Variants in PTPRD observed in about 807,000 individuals in gnomAD.
PTPRD encodes protein tyrosine phosphatase receptor type D, also known as receptor-type tyrosine-protein phosphatase delta.
Under a neutral mutation model 214.5 loss-of-function variants are expected in PTPRD, and 34 were observed. The ratio of observed to expected loss-of-function variants is 0.16; its 90% CI spans 0.12 to 0.21. The LOEUF (loss-of-function observed/expected upper bound fraction) is 0.21, where lower values mean the gene tolerates loss of function less well. Ranked by LOEUF, PTPRD falls within the 10% of genes least tolerant of loss-of-function variation. The pLI, the probability that PTPRD is intolerant of heterozygous loss-of-function variation, is 1.00. For missense variants in PTPRD, 2,545 were observed against 2,398.7 expected (o/e 1.06, Z -1.27); for synonymous variants, 1,128 against 845.7 (o/e 1.33, Z -5.79).
In PTPRD at chr9:10,506,148, C is replaced by A. The variant is rs539122615; in HGVS notation, c.-600+106250G>T. Reference sequence around the variant, plus strand: ...AAGAATGTAAAGATTCTCTATGAATCCAGAAGAACAGATGGGTAAGGGGAA... The same window carrying A: ...AAGAATGTAAAGATTCTCTATGAATACAGAAGAACAGATGGGTAAGGGGAA... On this transcript the variant is annotated intron_variant, in intron 2 of 45. Transcript: ENST00000381196. Among the ~76,000 whole-genome samples, 6 of 152,112 alleles carry A rather than the reference C, an allele frequency of 3.9e-5. No homozygotes were observed. The East Asian group carries it at 1.2e-3, about 29-fold the overall frequency.
At chr9:9,596,785 T>G (rs1480251785) in intron 7 of PTPRD, among the ~76,000 whole-genome samples, 2 of 152,046 alleles carry the variant, frequency 1.3e-5, no homozygotes, top group Non-Finnish European at 2.9e-5. Flanking sequence ...AAGTTAATTC[T>G]AAACATTTGC....
chr9:10,306,021 C>T (rs1260046269), intron 3 of PTPRD, among the ~76,000 whole-genome samples: 1 of 151,892 alleles, frequency 6.6e-6, no homozygotes, highest in African/African-American at 2.4e-5. Flanking sequence ...TGGAATCAAC[C>T]CAAATGCCCA....
chr9:8,396,778 C>T (rs563367207), intron 36 of PTPRD, among the ~76,000 whole-genome samples: 2 of 152,142 alleles, frequency 1.3e-5, no homozygotes, highest in Non-Finnish European at 2.9e-5. Context: ...GCCATTTACA[C>T]AGCTCTAATT....
In PTPRD at chr9:10,350,054, T is replaced by A. The variant is rs116476383; in HGVS notation, c.-599-9037A>T. 5.7e-3 allele frequency among the ~76,000 whole-genome samples: 865 copies of A among 152,290 alleles called. 5 individuals carry two copies. Among genetic ancestry groups the A allele is most frequent in the African/African-American group, 0.019 (810 of 41,572 alleles). Reference sequence around the variant, plus strand: ...AATTACCTTGGAGGACAATATAAGTTCACAGACTAGAAAAGTCTATGTGAC... The same window carrying A: ...AATTACCTTGGAGGACAATATAAGTACACAGACTAGAAAAGTCTATGTGAC... On this transcript the variant is annotated intron_variant, in intron 2 of 45. Transcript: ENST00000381196.
chr9:8,802,590 G>C (rs542013726), intron 11 of PTPRD, among the ~76,000 whole-genome samples: 1 of 152,306 alleles, frequency 6.6e-6, no homozygotes, highest in Non-Finnish European at 1.5e-5. Flanking sequence ...GTTCCCAAAA[G>C]TGGTAATATT....
chr9:10,429,377 C>T (rs1368632748), intron 2 of PTPRD, among the ~76,000 whole-genome samples: 1 of 151,918 alleles, frequency 6.6e-6, no homozygotes, highest in Non-Finnish European at 1.5e-5. Context: ...AAAAGAAACC[C>T]TGCAGTTTCA....
intron 3 of PTPRD, among the ~76,000 whole-genome samples, chr9:10,226,590 C>T (rs1407349): frequency 0.49 from 75,058 of 151,886 alleles, 20,620 homozygotes; most frequent in Non-Finnish European, 0.61. Flanking sequence ...AAAGATAAAA[C>T]CAATATGGAT....
At chr9:8,677,703 G>T (rs1382406194) in intron 12 of PTPRD, among the ~76,000 whole-genome samples, 1 of 152,150 alleles carries the variant, frequency 6.6e-6, no homozygotes, top group Non-Finnish European at 1.5e-5. Context: ...ATTATTATCA[G>T]AAACCAGCAA....
chr9:10,169,473 C>CAAAAAAAAAAAAAAAAA (rs59335943), intron 3 of PTPRD, among the ~76,000 whole-genome samples: 5 of 66,876 alleles, frequency 7.5e-5, no homozygotes, highest in African/African-American at 2.1e-4. Flanking sequence ...GACTCTGTCT[C>CAAAAAAAAAAAAAAAAA]AAAAAAAAAA....
chr9:9,603,037 C>T (rs10977863), intron 7 of PTPRD, among the ~76,000 whole-genome samples: 40,958 of 151,802 alleles, frequency 0.27, 6,985 homozygotes, highest in Non-Finnish European at 0.38. Context: ...AAGACTAGTT[C>T]CCTTAAAAAG....
intron 9 of PTPRD, among the ~76,000 whole-genome samples, chr9:9,368,148 G>A (rs2058400965): frequency 6.6e-6 from 1 of 151,702 alleles, no homozygotes; most frequent in Admixed American, 6.6e-5. Context: ...ACTGATCAAG[G>A]CCCATGGGGT....
chr9:9,652,309 T>A (rs1239685793), intron 7 of PTPRD, among the ~76,000 whole-genome samples: 2 of 152,188 alleles, frequency 1.3e-5, no homozygotes, highest in Admixed American at 1.3e-4. Flanking sequence ...TCACATGAAT[T>A]TCCCAGGCAA....
chr9:10,104,206 C>T (rs2098601155), intron 3 of PTPRD, among the ~76,000 whole-genome samples: 2 of 151,572 alleles, frequency 1.3e-5, no homozygotes, highest in Admixed American at 1.3e-4. Flanking sequence ...TACAGAATTT[C>T]TGTTTTACAA....
At chr9:10,081,214 C>G (rs2098231141) in intron 3 of PTPRD, among the ~76,000 whole-genome samples, 1 of 151,926 alleles carries the variant, frequency 6.6e-6, no homozygotes, top group Non-Finnish European at 1.5e-5. Flanking sequence ...AAGTTAATAA[C>G]TTTCAAAATA....
rs149370413 is a variant in PTPRD at position 10,560,956 on chromosome 9, T to C, written c.-600+51442A>G. On this transcript the variant is annotated intron_variant, in intron 2 of 45. Transcript: ENST00000381196. ...TAACCTAGAAGAAGTGTGATCTTGA[T>C]GAATGTGGGTGAATTGGGTGGGGAG... Among the ~76,000 whole-genome samples, 242 of 152,298 alleles carry C rather than the reference T, an allele frequency of 1.6e-3. 2 individuals carry two copies. Among genetic ancestry groups the C allele is most frequent in the African/African-American group, 5.6e-3 (231 of 41,568 alleles).
chr9:8,546,576 G>A (rs1300323186), intron 14 of PTPRD, among the ~76,000 whole-genome samples: 1 of 151,536 alleles, frequency 6.6e-6, no homozygotes, highest in Non-Finnish European at 1.5e-5. Flanking sequence ...CTGGTTCACT[G>A]CAACCTCTGC....
At chr9:10,056,505 C>A (rs1052304959) in intron 3 of PTPRD, among the ~76,000 whole-genome samples, 6 of 150,094 alleles carry the variant, frequency 4.0e-5, no homozygotes, top group Non-Finnish European at 4.4e-5. Flanking sequence ...ATTAAAAAAA[C>A]AAACATTTTA....
At chr9:9,749,987 C>G (rs548018376) in intron 6 of PTPRD, among the ~76,000 whole-genome samples, 7 of 152,266 alleles carry the variant, frequency 4.6e-5, no homozygotes, top group Admixed American at 4.6e-4. Flanking sequence ...ACTACTTGCA[C>G]AGCCTTCATA....
chr9:8,678,044 T>C (rs888759344), intron 12 of PTPRD, among the ~76,000 whole-genome samples: 2 of 152,160 alleles, frequency 1.3e-5, no homozygotes, highest in African/African-American at 2.4e-5. Flanking sequence ...GTGTGACAGC[T>C]TGGAATCCCG....
Sources: gnomAD v4.1 joint callset for allele counts (sites outside exome capture counted in the v4.1 genomes callset) on GRCh38, gnomAD v4.1.1 for gene constraint, MANE v1.5 for transcripts, NCBI Gene and HGNC (gene_info 2026-07-23, HGNC 2026-07-21) for gene names.